CYSLTR1: variants seen among roughly 807,000 people sequenced by gnomAD.
The protein encoded by CYSLTR1 is cysteinyl leukotriene receptor 1, also known as G-protein coupled receptor HG55.
Under a neutral mutation model 2.1 loss-of-function variants are expected in CYSLTR1, and 1 was observed. The ratio of observed to expected loss-of-function variants is 0.48; its 90% CI spans 0.17 to 2.28. The LOEUF is 2.28. Ranked by LOEUF, CYSLTR1 falls within the 30% of genes most tolerant of loss-of-function variation. The pLI is 0.26. For missense variants in CYSLTR1, 299 were observed against 250.1 expected (o/e 1.20, Z -1.32); for synonymous variants, 110 against 89.6 (o/e 1.23, Z -1.28).
At chrX:78,277,988 C>T (rs1054482426) in intron 2 of CYSLTR1, among the ~76,000 whole-genome samples, 1 of 111,667 alleles carries the variant, frequency 9.0e-6, no homozygotes, top group African/African-American at 3.3e-5. Flanking sequence ...CATTGAAATT[C>T]AGGAGCAAGT....
At chrX:78,324,075 G>A (rs2147279333) in intron 1 of CYSLTR1, among the ~76,000 whole-genome samples, 1 of 111,900 alleles carries the variant, frequency 8.9e-6, no homozygotes, top group South Asian at 3.8e-4. Context: ...AGAGAAAGGA[G>A]AGGTCATGAT....
At chrX:78,276,909 G>C (rs766286905) in intron 2 of CYSLTR1, among the ~76,000 whole-genome samples, 1 of 110,998 alleles carries the variant, frequency 9.0e-6, no homozygotes, top group Non-Finnish European at 1.9e-5. Flanking sequence ...TCCTGGCCCA[G>C]AGCAGCTCCT....
In CYSLTR1 at chrX:78,271,535, C is replaced by T. The variant is rs757037736; in HGVS notation, c.*1198G>A. Reference sequence around the variant, plus strand: ...TTTTAAAAAACAAACTTAAAGGACACACTACACTTCAGCAAAAGCTTGTCC... The same window carrying T: ...TTTTAAAAAACAAACTTAAAGGACATACTACACTTCAGCAAAAGCTTGTCC... On this transcript the variant is annotated 3_prime_UTR_variant, in exon 3 of 3. Coordinates refer to ENST00000373304, the MANE Select transcript of CYSLTR1 (RefSeq NM_006639.4). The T allele has an allele frequency of 4.5e-5, 5 of 111,492 alleles. No individual in the cohort carries two copies. The highest frequency in any genetic ancestry group is 7.5e-5 in the Non-Finnish European group (4 of 53,085). The allele number at this position is 111,492 out of a possible 1,213,427, so 9.2% of individuals were successfully genotyped here. A position where few individuals can be genotyped will look rare whatever the true frequency, so the allele number is the denominator to read the frequency against.
At chrX:78,302,379 C>CT (rs1380800816) in intron 1 of CYSLTR1, among the ~76,000 whole-genome samples, 1 of 111,730 alleles carries the variant, frequency 9.0e-6, no homozygotes, top group African/African-American at 3.3e-5. Context: ...ATCAGGGAAA[C>CT]TTAAAGACCA....
At chrX:78,285,785 A>G (rs1194540613) in intron 1 of CYSLTR1, among the ~76,000 whole-genome samples, 1 of 111,840 alleles carries the variant, frequency 8.9e-6, no homozygotes, top group Admixed American at 9.5e-5. Flanking sequence ...AGCCTTGCAC[A>G]TAGTAGGCAC....
intron 2 of CYSLTR1, among the ~76,000 whole-genome samples, chrX:78,275,055 C>A (rs1477012138): frequency 9.0e-6 from 1 of 111,214 alleles, no homozygotes; most frequent in African/African-American, 3.3e-5. Flanking sequence ...GTTAGAATGG[C>A]AATCATTAAA....
At chrX:78,324,215 C>T (rs1399772353) in intron 1 of CYSLTR1, among the ~76,000 whole-genome samples, 3 of 111,887 alleles carry the variant, frequency 2.7e-5, no homozygotes, top group African/African-American at 9.7e-5. Flanking sequence ...GTTTTAGCAC[C>T]TTGATTGTAA....
intron 2 of CYSLTR1, among the ~76,000 whole-genome samples, chrX:78,279,522 T>C (rs1263142579): frequency 2.7e-5 from 3 of 112,420 alleles, no homozygotes; most frequent in African/African-American, 9.7e-5. Flanking sequence ...GTTCAGCTAC[T>C]GGAAAGCAGT....
chrX:78,303,001 G>A (rs1344144032), intron 1 of CYSLTR1, among the ~76,000 whole-genome samples: 1 of 111,507 alleles, frequency 9.0e-6, no homozygotes, highest in Admixed American at 9.5e-5. Flanking sequence ...TCTCCTAGGA[G>A]TTGCAGTCCT....
intron 1 of CYSLTR1, among the ~76,000 whole-genome samples, chrX:78,325,929 G>A (rs190281088): frequency 8.9e-6 from 1 of 111,830 alleles, no homozygotes; most frequent in Non-Finnish European, 1.9e-5. Flanking sequence ...TTCATTAAGG[G>A]GAGGTAGTAG....
chrX:78,314,485 G>T (rs1410844067), intron 1 of CYSLTR1, among the ~76,000 whole-genome samples: 2 of 111,319 alleles, frequency 1.8e-5, no homozygotes, highest in Non-Finnish European at 3.8e-5. Context: ...ATAGTACCTG[G>T]TTTTAATTTC....
chrX:78,278,545 C>T (rs1921701202), intron 2 of CYSLTR1, among the ~76,000 whole-genome samples: 1 of 112,311 alleles, frequency 8.9e-6, no homozygotes, highest in Admixed American at 9.5e-5. Context: ...CCATACTGCC[C>T]ATTTACAGAT....
Position 78,289,768 on chromosome X carries a change from G to A in CYSLTR1, c.-114-6228C>T, listed in dbSNP as rs1316866962. Among the ~76,000 whole-genome samples the A allele has an allele frequency of 3.6e-5, 4 of 112,280 alleles. No individual in the cohort carries two copies. The Admixed American group carries it at 3.7e-4, about 11-fold the overall frequency. ...TGGCTGCATAAATGTCTTCTTTTGA[G>A]AAGTGTCTGTTCATATCCTTTGCCC... On this transcript the variant is annotated intron_variant, in intron 1 of 2. Coordinates refer to ENST00000373304, the MANE Select transcript of CYSLTR1 (RefSeq NM_006639.4).
chrX:78,288,046 A>C (rs2149187652), intron 1 of CYSLTR1, among the ~76,000 whole-genome samples: 1 of 111,191 alleles, frequency 9.0e-6, no homozygotes, highest in African/African-American at 3.3e-5. Context: ...AAAAAATGAT[A>C]AAATAATTAG....
chrX:78,289,469 T>C (rs1305713677), intron 1 of CYSLTR1, among the ~76,000 whole-genome samples: 3 of 112,291 alleles, frequency 2.7e-5, no homozygotes, highest in Admixed American at 1.9e-4. Context: ...AATCTTTGGG[T>C]ATATACCCAG....
At chrX:78,314,511 G>T (rs1923333916) in intron 1 of CYSLTR1, among the ~76,000 whole-genome samples, 1 of 111,229 alleles carries the variant, frequency 9.0e-6, no homozygotes, top group African/African-American at 3.3e-5. Context: ...GCAGAAAGAG[G>T]CACTAAAAAG....
At chrX:78,296,391 T>G (rs759371003) in intron 1 of CYSLTR1, among the ~76,000 whole-genome samples, 1 of 111,962 alleles carries the variant, frequency 8.9e-6, no homozygotes, top group Non-Finnish European at 1.9e-5. Context: ...GTCTGTTGTG[T>G]TTCCATATAA....
At chrX:78,275,820 A>C (rs747177032) in intron 2 of CYSLTR1, among the ~76,000 whole-genome samples, 3 of 111,744 alleles carry the variant, frequency 2.7e-5, no homozygotes, top group African/African-American at 3.2e-5. Flanking sequence ...CCTATGGAAA[A>C]TAATCTAATT....
At chrX:78,305,515 GA>G (rs1389590715) in intron 1 of CYSLTR1, among the ~76,000 whole-genome samples, 4 of 43,747 alleles carry the variant, frequency 9.1e-5, no homozygotes, top group African/African-American at 5.4e-4. Flanking sequence ...TACTTATAAG[GA>G]AAAAAATTTA....
Sources: allele counts gnomAD v4.1 joint callset (sites outside exome capture counted in the v4.1 genomes callset), GRCh38; gene constraint gnomAD v4.1.1; transcripts MANE v1.5; gene names NCBI Gene and HGNC (gene_info 2026-07-23, HGNC 2026-07-21).